Variants in VWA3B observed in about 807,000 individuals in gnomAD.
The protein encoded by VWA3B is von Willebrand factor A domain containing 3B, also known as von Willebrand factor A domain-containing protein 3B.
VWA3B carries 138 observed loss-of-function variants against 158.3 expected under a neutral mutation model. That is an observed-to-expected ratio of 0.87 (90% CI 0.76 to 1.00). VWA3B has a LOEUF of 1.00. Among genes scored for constraint, VWA3B ranks in the 50% least tolerant of loss-of-function variants. The probability of loss-of-function intolerance (pLI) is 0.00; values close to 1 mark genes in which losing one functional copy is unlikely to be tolerated. For missense variants in VWA3B, 1,555 were observed against 1,565.1 expected (o/e 0.99, Z 0.11); for synonymous variants, 596 against 587.3 (o/e 1.01, Z -0.21).
rs151129296 is a variant in VWA3B at position 98,089,197 on chromosome 2, T to C, written c.-33+1834T>C. Among the ~76,000 whole-genome samples, 31 of 152,324 alleles carry C rather than the reference T, an allele frequency of 2.0e-4. 1 individual carries two copies. In the East Asian group the frequency reaches 6.0e-3, roughly 29 times the overall value. ...TAGTAGCTCTGAGTGATCAGTTTTA[T>C]TCATCTCAACTCTCACACCAAGTGC... On this transcript the variant is annotated intron_variant, in intron 1 of 27. Coordinates refer to ENST00000477737, the MANE Select transcript of VWA3B (RefSeq NM_144992.5).
chr2:98,211,403 T>C (rs985009027), intron 12 of VWA3B, among the ~76,000 whole-genome samples: 2 of 152,322 alleles, frequency 1.3e-5, no homozygotes, highest in South Asian at 2.1e-4. Flanking sequence ...GATGAAGTAT[T>C]CAAGAGATTT....
chr2:98,267,806 GA>G (rs1469597453), intron 21 of VWA3B, among the ~76,000 whole-genome samples: 1 of 151,694 alleles, frequency 6.6e-6, no homozygotes, highest in Non-Finnish European at 1.5e-5. Context: ...GACTAATAAA[GA>G]AAAAAAGAGA....
chr2:98,308,139 T>C (rs995734216), intron 26 of VWA3B, among the ~76,000 whole-genome samples: 1 of 152,240 alleles, frequency 6.6e-6, no homozygotes, highest in Non-Finnish European at 1.5e-5. Context: ...TTATAAAATA[T>C]GTTATCAATA....
intron 8 of VWA3B, among the ~76,000 whole-genome samples, chr2:98,171,186 A>G (rs1277201828): frequency 6.6e-6 from 1 of 152,290 alleles, no homozygotes; most frequent in Non-Finnish European, 1.5e-5. Context: ...GTAGGTGATG[A>G]TGTAATGGTA....
rs372493185 is a variant in VWA3B, at chr2:98,210,856, C to T, written c.1738-1074C>T. ...CAGGCACCGTCAGTCAGAATAACCT[C>T]CTAGGCTTTGACTTGAGAGATTGTG... On this transcript the variant is annotated intron_variant, in intron 12 of 27. Transcript: ENST00000477737. Among the ~76,000 whole-genome samples the T allele has an allele frequency of 6.6e-5, 10 of 152,204 alleles. No individual in the cohort carries two copies. The East Asian group carries it at 1.5e-3, about 23-fold the overall frequency.
intron 2 of VWA3B, among the ~76,000 whole-genome samples, chr2:98,109,846 C>T (rs994336847): frequency 2.0e-5 from 3 of 151,000 alleles, no homozygotes; most frequent in Non-Finnish European, 2.9e-5. Flanking sequence ...TTCTGGCCTC[C>T]ATGGTTTCTG....
intron 7 of VWA3B, among the ~76,000 whole-genome samples, chr2:98,153,654 G>T (rs539030781): frequency 2.6e-5 from 4 of 152,320 alleles, no homozygotes; most frequent in African/African-American, 9.6e-5. Context: ...TAGAAGCACT[G>T]ATTGGTGCCT....
At chr2:98,157,502 C>T (rs980806460) in intron 7 of VWA3B, among the ~76,000 whole-genome samples, 4 of 152,104 alleles carry the variant, frequency 2.6e-5, no homozygotes, top group African/African-American at 9.7e-5. Flanking sequence ...CTTTCATTCC[C>T]TTTATGGATG....
intron 14 of VWA3B, 136 bp from the exon 15 acceptor site, chr2:98,228,066 A>T (rs1685054777): frequency 9.8e-6 from 9 of 920,696 alleles, no homozygotes. Context: ...AGATGAGAGG[A>T]TCACTTGAGC....
intron 1 of VWA3B, among the ~76,000 whole-genome samples, chr2:98,091,561 A>T (rs939427834): frequency 6.6e-6 from 1 of 152,198 alleles, no homozygotes; most frequent in African/African-American, 2.4e-5. Flanking sequence ...TCATTTGTAA[A>T]ATGAAAATAA....
At chr2:98,100,880 T>C (rs1683031890) in intron 2 of VWA3B, among the ~76,000 whole-genome samples, 1 of 152,188 alleles carries the variant, frequency 6.6e-6, no homozygotes. Flanking sequence ...ATCTGTCACC[T>C]GGTTTTCTTA....
At position 98,214,773 on chromosome 2, in the gene VWA3B, G is replaced by T. The variant is rs1037067553; in HGVS notation, c.1836+2745G>T. Among the ~76,000 whole-genome samples the T allele has an allele frequency of 7.9e-5, 12 of 152,218 alleles. No individual in the cohort carries two copies. In the South Asian group the frequency reaches 8.3e-4, roughly 11 times the overall value. ...TATTTAGCTAGTCCCCTGCAGATACGCAGTCGGATTGTTTTTGAGCTTTCT... is the reference window on the plus strand; with the variant it reads ...TATTTAGCTAGTCCCCTGCAGATACTCAGTCGGATTGTTTTTGAGCTTTCT... On this transcript the variant is annotated intron_variant, in intron 13 of 27. Coordinates refer to ENST00000477737, the MANE Select transcript of VWA3B (RefSeq NM_144992.5).
chr2:98,200,410 C>T (rs13019984), intron 12 of VWA3B, among the ~76,000 whole-genome samples: 64,039 of 151,736 alleles, frequency 0.42, 13,917 homozygotes, highest in Middle Eastern at 0.6. Flanking sequence ...GGCGTGGTGG[C>T]AGGTGCCTAT....
chr2:98,247,809 T>C (rs1421775129), intron 19 of VWA3B, among the ~76,000 whole-genome samples: 1 of 152,136 alleles, frequency 6.6e-6, no homozygotes, highest in African/African-American at 2.4e-5. Context: ...ATTTCTTTCA[T>C]TAAACTCTAG....
intron 19 of VWA3B, among the ~76,000 whole-genome samples, chr2:98,243,403 T>G (rs1686201312): frequency 6.6e-6 from 1 of 151,958 alleles, no homozygotes; most frequent in Non-Finnish European, 1.5e-5. Context: ...GTGTGATCTC[T>G]GTTCACTGCA....
At chr2:98,186,168 T>G (rs2105377610) in intron 9 of VWA3B, among the ~76,000 whole-genome samples, 2 of 151,100 alleles carry the variant, frequency 1.3e-5, no homozygotes, top group African/African-American at 4.9e-5. Context: ...ATTTTTTTTT[T>G]TTTTTTTTGC....
At chr2:98,298,978 C>T (rs1457525797) in intron 24 of VWA3B, among the ~76,000 whole-genome samples, 1 of 152,206 alleles carries the variant, frequency 6.6e-6, no homozygotes, top group Non-Finnish European at 1.5e-5. Flanking sequence ...ACTCCCTTTC[C>T]CTCTGAGCCG....
chr2:98,311,815 C>A lies in VWA3B; in HGVS notation c.3522-4C>A. ...GGGTAACCCTGATCTCTCTCTGTCT[C>A]TAGAGAGGATGTGGAGGCGAGGAAC... On this transcript the variant is annotated splice_region_variant and splice_polypyrimidine_tract_variant and intron_variant, in intron 26 of 27. Transcript: ENST00000477737. 6.3e-7 allele frequency: 1 copy of A among 1,597,174 alleles called. No individual in the cohort carries two copies. The highest frequency in any genetic ancestry group is 8.5e-7 in the Non-Finnish European group (1 of 1,172,056).
At position 98,230,063 on chromosome 2, in the gene VWA3B, A is replaced by G; in HGVS notation, c.2164A>G (p.Ile722Val). 1.3e-6 allele frequency: 2 copies of G among 1,575,640 alleles called. No individual in the cohort carries two copies. Among genetic ancestry groups the G allele is most frequent in the Non-Finnish European group, 8.6e-7 (1 of 1,169,408 alleles). ...AAATCAAAACAGGCATCAAAAGGAA[A>G]TCTGTTCTATGATTTCAACCCCAGA... Reference protein sequence around the residue: ...KDGDSKHQKEICSMISTPEKC... With the variant: ...KDGDSKHQKEVCSMISTPEKC... Residue 722 changes from isoleucine to valine, a missense_variant, in exon 16 of 28, where the codon ATC becomes GTC. Physicochemically the swap from Ile to Val is conservative, Grantham distance 29 (BLOSUM62 3). Transcript: ENST00000477737.
Sources: gnomAD v4.1 joint callset for allele counts (sites outside exome capture counted in the v4.1 genomes callset) on GRCh38, gnomAD v4.1.1 for gene constraint, MANE v1.5 for transcripts, NCBI Gene and HGNC (gene_info 2026-07-23, HGNC 2026-07-21) for gene names.